The following ANKRD45 variants were observed in gnomAD, a reference collection of about 807,000 sequenced individuals.
ANKRD45 encodes the protein ankyrin repeat domain-containing protein 45.
ANKRD45 carries 21 observed loss-of-function variants against 28.1 expected under a neutral mutation model. The observed-to-expected ratio is 0.75, with a 90% CI of 0.53 to 1.08. The LOEUF (loss-of-function observed/expected upper bound fraction) is 1.08, where lower values mean the gene tolerates loss of function less well. Among genes scored for constraint, ANKRD45 ranks in the 50% least tolerant of loss-of-function variants. The probability of loss-of-function intolerance (pLI) is 0.00; values close to 1 mark genes in which losing one functional copy is unlikely to be tolerated. For missense variants in ANKRD45, 261 were observed against 308.7 expected (o/e 0.85, Z 1.16); for synonymous variants, 86 against 103.9 (o/e 0.83, Z 1.05).
At chr1:173,694,165 A>AT in the ANKRD45 span, among the ~76,000 whole-genome samples, 6 of 150,278 alleles carry the variant, frequency 4.0e-5, no homozygotes, top group East Asian at 3.9e-4. Flanking sequence ...TAGGATTTCA[A>AT]TTTTTTTTTT....
chr1:173,676,048 G>C, the ANKRD45 span, among the ~76,000 whole-genome samples: 1 of 152,146 alleles, frequency 6.6e-6, no homozygotes, highest in Non-Finnish European at 1.5e-5. Context: ...ACCTACCACA[G>C]GTCAGGAACC....
intron 2 of ANKRD45, among the ~76,000 whole-genome samples, chr1:173,649,272 T>C (rs1432616953): frequency 2.0e-5 from 3 of 152,172 alleles, no homozygotes; most frequent in Non-Finnish European, 4.4e-5. Context: ...GGTATGTCCA[T>C]GAACAACTTG....
intron 3 of ANKRD45, among the ~76,000 whole-genome samples, chr1:173,631,245 T>C (rs1668184326): frequency 6.6e-6 from 1 of 152,084 alleles, no homozygotes; most frequent in Non-Finnish European, 1.5e-5. Flanking sequence ...TATATAATAA[T>C]AGAGGGGTCA....
At chr1:173,621,979 G>A (rs917884219) in intron 5 of ANKRD45, among the ~76,000 whole-genome samples, 49 of 152,098 alleles carry the variant, frequency 3.2e-4, no homozygotes, top group African/African-American at 1.1e-3. Context: ...CAAACTCAAT[G>A]TGCAAAAATT....
At chr1:173,625,933 A>G in intron 4 of ANKRD45, among the ~76,000 whole-genome samples, 1 of 152,280 alleles carries the variant, frequency 6.6e-6, no homozygotes, top group African/African-American at 2.4e-5. Context: ...ATGTATACAT[A>G]ATAATTTCTA....
chr1:173,683,084 A>G, the ANKRD45 span, among the ~76,000 whole-genome samples: 2 of 152,028 alleles, frequency 1.3e-5, no homozygotes, highest in Admixed American at 6.6e-5. Flanking sequence ...AGTTGATCAA[A>G]CCCAATGAGA....
chr1:173,612,323 GGAA>G (rs1667199999), intron 5 of ANKRD45, among the ~76,000 whole-genome samples: 3 of 94,960 alleles, frequency 3.2e-5, no homozygotes, highest in Non-Finnish European at 6.9e-5. Context: ...AAGGAAAGAA[GGAA>G]GGAAGGAAGG....
At chr1:173,641,959 A>T (rs1266614614) in intron 3 of ANKRD45, among the ~76,000 whole-genome samples, 1 of 152,226 alleles carries the variant, frequency 6.6e-6, no homozygotes, top group East Asian at 1.9e-4. Flanking sequence ...AGCAAATAAG[A>T]CCTACCAGCC....
upstream of ANKRD45, among the ~76,000 whole-genome samples, chr1:173,672,717 A>G (rs1220438342): frequency 6.6e-6 from 1 of 152,198 alleles, no homozygotes; most frequent in Non-Finnish European, 1.5e-5. Flanking sequence ...CCAGGTTAGA[A>G]ACAGACAGGA....
At chr1:173,617,011 G>A (rs1188335255) in intron 5 of ANKRD45, among the ~76,000 whole-genome samples, 1 of 152,030 alleles carries the variant, frequency 6.6e-6, no homozygotes, top group East Asian at 1.9e-4. Context: ...TCTGCTTGAG[G>A]AGTAAGTAAA....
At chr1:173,696,419 GC>G in the ANKRD45 span, among the ~76,000 whole-genome samples, 2 of 152,162 alleles carry the variant, frequency 1.3e-5, no homozygotes, top group African/African-American at 4.8e-5. Flanking sequence ...TCACATTTAA[GC>G]CTTTAATCCA....
the ANKRD45 span, among the ~76,000 whole-genome samples, chr1:173,704,904 G>A: frequency 6.6e-6 from 1 of 152,244 alleles, no homozygotes; most frequent in Non-Finnish European, 1.5e-5. Flanking sequence ...GGGCTGTACT[G>A]TAGTTTCAAC....
intron 3 of ANKRD45, among the ~76,000 whole-genome samples, chr1:173,633,091 A>G (rs1229842878): frequency 6.6e-6 from 1 of 152,068 alleles, no homozygotes; most frequent in Non-Finnish European, 1.5e-5. Context: ...TATATTTGGA[A>G]AAGTGTAAAG....
chr1:173,619,788 A>G (rs971884141), intron 5 of ANKRD45, among the ~76,000 whole-genome samples: 2 of 151,646 alleles, frequency 1.3e-5, no homozygotes, highest in African/African-American at 2.4e-5. Flanking sequence ...AGATTGCACA[A>G]TTGTACTCCA....
At chr1:173,712,457 G>A in the ANKRD45 span, among the ~76,000 whole-genome samples, 3 of 152,194 alleles carry the variant, frequency 2.0e-5, no homozygotes, top group Non-Finnish European at 4.4e-5. Context: ...ATCCTACCTC[G>A]AGAGGACTAG....
At chr1:173,715,129 G>T in the ANKRD45 span, 1 of 152,458 alleles carries the variant, frequency 6.6e-6, no homozygotes, top group Non-Finnish European at 1.5e-5. Flanking sequence ...GCGCCCCAGG[G>T]CTCGCTTCGC....
intron 5 of ANKRD45, among the ~76,000 whole-genome samples, chr1:173,618,265 T>C (rs1304768882): frequency 6.6e-6 from 1 of 152,176 alleles, no homozygotes; most frequent in Non-Finnish European, 1.5e-5. Flanking sequence ...GCAACACCTC[T>C]CCAGCAAGGG....
intron 5 of ANKRD45, among the ~76,000 whole-genome samples, chr1:173,621,334 C>T (rs1667692641): frequency 6.6e-6 from 1 of 152,168 alleles, no homozygotes; most frequent in Admixed American, 6.5e-5. Context: ...GATACCCAAA[C>T]CTGGCAGAGA....
the ANKRD45 span, among the ~76,000 whole-genome samples, chr1:173,705,319 C>T: frequency 1.3e-5 from 2 of 150,852 alleles, no homozygotes; most frequent in Admixed American, 6.6e-5. Flanking sequence ...AAATAAATGC[C>T]TTTTAGTAAA....
Sources: allele counts gnomAD v4.1 joint callset (sites outside exome capture counted in the v4.1 genomes callset), GRCh38; gene constraint gnomAD v4.1.1; transcripts MANE v1.5; gene names NCBI Gene and HGNC (gene_info 2026-07-23, HGNC 2026-07-21).